The following FAS variants were observed in gnomAD, a reference collection of about 807,000 sequenced individuals.
FAS encodes tumor necrosis factor receptor superfamily member 6.
FAS carries 5 observed loss-of-function variants against 33.2 expected under a neutral mutation model. The observed-to-expected ratio is 0.15, with a 90% CI of 0.08 to 0.32. The LOEUF (loss-of-function observed/expected upper bound fraction) is 0.32. Ranked by LOEUF, FAS falls within the 10% of genes least tolerant of loss-of-function variation. The pLI, the probability that FAS is intolerant of heterozygous loss-of-function variation, is 1.00. For missense variants in FAS, 339 were observed against 386.0 expected (o/e 0.88, Z 1.02); for synonymous variants, 131 against 130.7 (o/e 1.00, Z -0.01).
intron 1 of FAS, among the ~76,000 whole-genome samples, chr10:89,001,992 C>T (rs756157309): frequency 1.3e-5 from 2 of 152,140 alleles, no homozygotes; most frequent in Non-Finnish European, 2.9e-5. Flanking sequence ...TTTTGCCTTC[C>T]CCGCCAGCAA....
intron 1 of FAS, among the ~76,000 whole-genome samples, chr10:88,999,172 T>TA (rs1305255295): frequency 0.11 from 16,195 of 143,990 alleles, 1,254 homozygotes; most frequent in Non-Finnish European, 0.15. Context: ...AATAAATAAA[T>TA]AAAATAAAAT....
chr10:88,984,955 C>T (rs897329024), upstream of FAS, among the ~76,000 whole-genome samples: 2 of 152,098 alleles, frequency 1.3e-5, no homozygotes, highest in South Asian at 2.1e-4. Context: ...GCTCTCTAGC[C>T]TAGTGAGGAG....
At chr10:88,996,643 G>A (rs1037004764) in intron 1 of FAS, among the ~76,000 whole-genome samples, 1 of 152,092 alleles carries the variant, frequency 6.6e-6, no homozygotes, top group East Asian at 1.9e-4. Flanking sequence ...GTGAAGGAAT[G>A]CCCAATGTAA....
In FAS at chr10:89,008,894, G is replaced by A. The variant is rs773565107; in HGVS notation, c.340G>A (p.Glu114Lys). The A allele has an allele frequency of 5.6e-6, 9 of 1,613,774 alleles. No individual in the cohort carries two copies. The highest frequency in any genetic ancestry group is 5.0e-5 in the Admixed American group (3 of 59,998). Reference sequence around the variant, plus strand: ...TTTCCAAACTGATTTTCTAGGCTTAGAAGTGGAAATAAACTGCACCCGGAC... The same window carrying A: ...TTTCCAAACTGATTTTCTAGGCTTAAAAGTGGAAATAAACTGCACCCGGAC... ...CRLCDEGHGL[E>K]VEINCTRTQN... is the part of the protein sequence containing the mutation. Residue 114 changes from glutamate to lysine, a missense_variant, in exon 4 of 9, where the codon GAA becomes AAA. Glu to Lys is a moderately conservative substitution (Grantham distance 56). This residue lies in a region of FAS where 276 missense variants were observed against 300.1 expected (regional missense o/e 0.92). Coordinates refer to ENST00000652046, the MANE Select transcript of FAS (RefSeq NM_000043.6).
chr10:89,009,305 G>A (rs554474077), intron 4 of FAS, among the ~76,000 whole-genome samples: 2 of 152,344 alleles, frequency 1.3e-5, no homozygotes, highest in South Asian at 4.1e-4. Flanking sequence ...AGCATCAGAA[G>A]AGACTTATGT....
rs774638410 is a variant in FAS at position 89,016,441 on chromosome 10, T to G, written c.*1991T>G. 1 of 222,710 alleles carries G rather than the reference T, an allele frequency of 4.5e-6. No homozygotes were observed. Among genetic ancestry groups the G allele is most frequent in the Non-Finnish European group, 9.0e-6 (1 of 111,502 alleles). 13.8% of individuals were successfully genotyped at this position (222,710 alleles called of 1,614,324 possible). On this transcript the variant is annotated 3_prime_UTR_variant, in exon 9 of 9. Transcript: ENST00000652046. ...ACTAGTTATTCTTCATGGCCAGAAG[T>G]GCAAGTTCTACTTTGCAAGACAAGA...
At chr10:89,008,319 T>C (rs1347328354) in intron 3 of FAS, among the ~76,000 whole-genome samples, 1 of 152,168 alleles carries the variant, frequency 6.6e-6, no homozygotes, top group Non-Finnish European at 1.5e-5. Context: ...AGGACCCAGA[T>C]TGAAGTATAA....
At chr10:88,991,011 C>A in intron 1 of FAS, 105 bp downstream of exon 1, 1 of 1,511,432 alleles carries the variant, frequency 6.6e-7, no homozygotes, top group Non-Finnish European at 9.1e-7. Context: ...GGCAGCGGCG[C>A]ACGCGGGCAC....
At chr10:88,992,545 A>T (rs925293026) in intron 1 of FAS, 2 of 152,200 alleles carry the variant, frequency 1.3e-5, no homozygotes, top group African/African-American at 4.8e-5. Flanking sequence ...GAATACACAC[A>T]CACACGCATA....
At chr10:88,977,575 A>G (rs1403738150) in intron 2 of FAS, among the ~76,000 whole-genome samples, 3 of 152,162 alleles carry the variant, frequency 2.0e-5, no homozygotes, top group Non-Finnish European at 4.4e-5. Context: ...AGCCCCATCA[A>G]AAAGTGGGCA....
At chr10:88,976,426 G>A (rs1846566057) in intron 2 of FAS, among the ~76,000 whole-genome samples, 1 of 152,150 alleles carries the variant, frequency 6.6e-6, no homozygotes, top group African/African-American at 2.4e-5. Flanking sequence ...GATAGGCCAA[G>A]GAAAATATAT....
chr10:89,011,934 G>C, intron 6 of FAS, 65 bp from the exon 7 acceptor site: 1 of 1,322,032 alleles, frequency 7.6e-7, no homozygotes. Context: ...TAGTGTGAAA[G>C]TATGTTCTCA....
chr10:88,993,305 A>ATTT (rs59583029), intron 1 of FAS, among the ~76,000 whole-genome samples: 2,623 of 148,946 alleles, frequency 0.018, 51 homozygotes, highest in African/African-American at 0.052. Context: ...TGTGGGTTGC[A>ATTT]TTTTTTTTTT....
chr10:88,982,943 C>T (rs944142766), upstream of FAS, among the ~76,000 whole-genome samples: 1 of 152,280 alleles, frequency 6.6e-6, no homozygotes, highest in Middle Eastern at 3.4e-3. Context: ...TGAGTGGTTT[C>T]CCTGAGCAAA....
At chr10:88,964,875 G>A (rs534313900) in intron 1 of FAS, among the ~76,000 whole-genome samples, 4 of 152,148 alleles carry the variant, frequency 2.6e-5, no homozygotes, top group African/African-American at 7.2e-5. Flanking sequence ...TCTTTTGCCC[G>A]CCTGTTTTTC....
At chr10:89,002,978 G>A (rs1220712465) in intron 1 of FAS, 51 bp from the exon 2 acceptor site, 12 of 1,608,580 alleles carry the variant, frequency 7.5e-6, no homozygotes, top group South Asian at 3.3e-5. Context: ...TGTTTACCAC[G>A]TTGCTTACTT....
At chr10:88,974,379 TA>T (rs1332838970) in intron 2 of FAS, 1 of 152,146 alleles carries the variant, frequency 6.6e-6, no homozygotes, top group Non-Finnish European at 1.5e-5. Context: ...CTTTATGTAT[TA>T]AAAGTGATAT....
upstream of FAS, among the ~76,000 whole-genome samples, chr10:88,990,109 T>TA (rs1180609907): frequency 1.3e-5 from 2 of 152,242 alleles, no homozygotes; most frequent in African/African-American, 4.8e-5. This position sits in a 1 kb window ranked among gnomAD's most constrained non-coding sequence, Gnocchi z 4.9. Flanking sequence ...GTTAGCTTTG[T>TA]TTTCCTCTTG....
chr10:88,989,709 A>C, upstream of FAS: 1 of 394,842 alleles, frequency 2.5e-6, no homozygotes, highest in Non-Finnish European at 5.0e-6. Flanking sequence ...AAGGATGAAC[A>C]GTGGGCTAAG....
Sources: gnomAD v4.1 joint callset for allele counts (sites outside exome capture counted in the v4.1 genomes callset) on GRCh38, gnomAD v4.1.1 for gene constraint, gnomAD v4.1.1 regional missense constraint, Gnocchi (gnomAD v3.1) non-coding constraint, MANE v1.5 for transcripts, NCBI Gene and HGNC (gene_info 2026-07-23, HGNC 2026-07-21) for gene names.